ITIH5: variants seen among roughly 807,000 people sequenced by gnomAD.
The protein encoded by ITIH5 is inter-alpha-trypsin inhibitor heavy chain H5.
ITIH5 carries 65 observed loss-of-function variants against 77.5 expected under a neutral mutation model. That is an observed-to-expected ratio of 0.84 (90% CI 0.69 to 1.03). The LOEUF (loss-of-function observed/expected upper bound fraction) is 1.03, where lower values mean the gene tolerates loss of function less well. Ranked by LOEUF, ITIH5 falls within the 50% of genes least tolerant of loss-of-function variation. ITIH5 has a pLI of 0.00. For missense variants in ITIH5, 1,208 were observed against 1,213.1 expected (o/e 1.00, Z 0.06); for synonymous variants, 525 against 494.3 (o/e 1.06, Z -0.82).
chr10:7,600,392 T>C (rs1832990932), intron 7 of ITIH5: 2 of 378,374 alleles, frequency 5.3e-6, no homozygotes, highest in South Asian at 2.0e-5. Flanking sequence ...GTCTAGCACA[T>C]TCTCAAAGTG....
chr10:7,610,387 T>C (rs1833220598), intron 7 of ITIH5, among the ~76,000 whole-genome samples: 2 of 152,184 alleles, frequency 1.3e-5, no homozygotes, highest in South Asian at 4.1e-4. Context: ...ACCGAGAATA[T>C]TTTTTTAAGG....
At position 7,608,565 on chromosome 10, in the gene ITIH5, G is replaced by A. The variant is rs1172612913; in HGVS notation, c.939+7417C>T. Among the ~76,000 whole-genome samples the A allele has an allele frequency of 6.6e-5, 10 of 152,210 alleles. No homozygotes were observed. In the East Asian group the frequency reaches 1.3e-3, roughly 20 times the overall value. ...CTCAAAGTGCTGGGATTACAGGCAT[G>A]AGCCACCATACCTGGCCTGGATCCT... On this transcript the variant is annotated intron_variant, in intron 7 of 13. Transcript: ENST00000397146.
At chr10:7,568,366 T>C (rs1832229338) in intron 12 of ITIH5, among the ~76,000 whole-genome samples, 1 of 152,152 alleles carries the variant, frequency 6.6e-6, no homozygotes, top group Non-Finnish European at 1.5e-5. Context: ...GAGCCTATGC[T>C]CTTCCAGCCT....
chr10:7,616,034 A>C lies in ITIH5; in HGVS notation c.887T>G (p.Val296Gly), dbSNP rs1423574201. The C allele has an allele frequency of 6.2e-7, 1 of 1,613,746 alleles. No homozygotes were observed. Among genetic ancestry groups the C allele is most frequent in the Non-Finnish European group, 8.5e-7 (1 of 1,179,668 alleles). ...AGCACTGCTGTCAAGCACGAATACC[A>C]CATTCTTGGGTAAAGGAGGAAGGTC... ...PKDLPPLPKNVVFVLDSSASM... is the reference protein window; with the variant it reads ...PKDLPPLPKNGVFVLDSSASM... The change falls in exon 7 of 14, where the codon GTG becomes GGG. Residue 296 changes from valine (V) to glycine (G), a missense_variant. Val to Gly is a moderately radical substitution (Grantham distance 109). Coordinates refer to ENST00000397146, the MANE Select transcript of ITIH5 (RefSeq NM_030569.7).
At chr10:7,655,756 A>G (rs1479575701) in intron 1 of ITIH5, 81 bp from the exon 2 acceptor site, 2 of 1,084,786 alleles carry the variant, frequency 1.8e-6, no homozygotes, top group Non-Finnish European at 2.8e-6. Flanking sequence ...TCATTCTCAC[A>G]TGAGTTATAC....
At chr10:7,634,087 T>TGAAA (rs1833758445) in intron 5 of ITIH5, among the ~76,000 whole-genome samples, 1 of 34,332 alleles carries the variant, frequency 2.9e-5, no homozygotes, top group African/African-American at 1.2e-4. Flanking sequence ...AGACTCCGTC[T>TGAAA]CAAAAAAAAA....
At position 7,637,216 on chromosome 10, in the gene ITIH5, C is replaced by T. The variant is rs773154542; in HGVS notation, c.652+12G>A. On this transcript the variant is annotated intron_variant, in intron 5 of 13. Coordinates refer to ENST00000397146, the MANE Select transcript of ITIH5 (RefSeq NM_030569.7). Reference sequence around the variant, plus strand: ...ACCACAGATCTGCACGAACCCAGCACGCAGGACTCACCTTCCCCGCGCCCA... The same window carrying T: ...ACCACAGATCTGCACGAACCCAGCATGCAGGACTCACCTTCCCCGCGCCCA... 6 of 1,602,992 alleles carry T rather than the reference C, an allele frequency of 3.7e-6. No homozygotes were observed. Among genetic ancestry groups the T allele is most frequent in the East Asian group, 2.2e-5 (1 of 44,842 alleles).
chr10:7,644,320 T>C (rs753937374), intron 2 of ITIH5, among the ~76,000 whole-genome samples: 22 of 148,290 alleles, frequency 1.5e-4, no homozygotes, highest in South Asian at 6.3e-4. Context: ...ATATATATCA[T>C]ACATATCACA....
chr10:7,641,306 C>T (rs1833880945), intron 3 of ITIH5, among the ~76,000 whole-genome samples: 1 of 152,144 alleles, frequency 6.6e-6, no homozygotes, highest in Admixed American at 6.5e-5. Flanking sequence ...CTCCTGAAAG[C>T]TCTTCCCAGA....
At chr10:7,639,317 C>T (rs747916251) in intron 4 of ITIH5, among the ~76,000 whole-genome samples, 2 of 152,166 alleles carry the variant, frequency 1.3e-5, no homozygotes, top group Non-Finnish European at 2.9e-5. Flanking sequence ...CCATCATTTC[C>T]GCCTGGACTG....
In ITIH5 at chr10:7,559,915, G is replaced by A. The variant is rs1832010224; in HGVS notation, c.*3168C>T. On this transcript the variant is annotated 3_prime_UTR_variant, in exon 14 of 14. Transcript: ENST00000397146. ...CACTCCAGCTGGAGTGCAGTGGCGT[G>A]ATCTTGGCTCACTACAAGTTCCGAC... 1 of 446,990 alleles carries A rather than the reference G, an allele frequency of 2.2e-6. No individual in the cohort carries two copies. Among genetic ancestry groups the A allele is most frequent in the African/African-American group, 2.0e-5 (1 of 48,950 alleles). 27.7% of individuals were successfully genotyped at this position (446,990 alleles called of 1,614,324 possible).
At chr10:7,564,803 G>A (rs939926219) in intron 13 of ITIH5, among the ~76,000 whole-genome samples, 50 of 151,008 alleles carry the variant, frequency 3.3e-4, no homozygotes, top group African/African-American at 1.1e-3. Flanking sequence ...TACAGACTGT[G>A]TGTATATATA....
chr10:7,611,127 G>C lies in ITIH5; in HGVS notation c.939+4855C>G, dbSNP rs187270775. ...GCCGCAACCACACTCTTACTTGCAC[G>C]GTACATGGCTTAGTTCTCAGACTTC... On this transcript the variant is annotated intron_variant, in intron 7 of 13. Coordinates refer to ENST00000397146, the MANE Select transcript of ITIH5 (RefSeq NM_030569.7). Among the ~76,000 whole-genome samples the C allele has an allele frequency of 1.5e-3, 223 of 152,324 alleles. 1 individual carries two copies. The highest frequency in any genetic ancestry group is 5.2e-3 in the African/African-American group (218 of 41,560).
At position 7,655,521 on chromosome 10, in the gene ITIH5, C is replaced by T. The variant is rs1345133847; in HGVS notation, c.135+110G>A. On this transcript the variant is annotated intron_variant, in intron 2 of 13. Coordinates refer to ENST00000397146, the MANE Select transcript of ITIH5 (RefSeq NM_030569.7). The stretch of plus-strand genomic sequence containing the variant: ...GCTGTTTCATCTCAGAATTTTTCTA[C>T]AAGCAACTTTATATGTTTTGGAGGA... 2.3e-5 allele frequency: 19 copies of T among 831,654 alleles called. No individual in the cohort carries two copies. In the South Asian group the frequency reaches 2.5e-4, roughly 11 times the overall value. 51.5% of individuals were successfully genotyped at this position (831,654 alleles called of 1,614,324 possible).
chr10:7,653,985 T>C (rs1834141479), intron 2 of ITIH5, among the ~76,000 whole-genome samples: 2 of 152,154 alleles, frequency 1.3e-5, no homozygotes, highest in South Asian at 4.1e-4. Flanking sequence ...TGAAACCCCA[T>C]CTCTACTAAA....
chr10:7,633,953 G>A (rs1208522959), intron 5 of ITIH5, among the ~76,000 whole-genome samples: 1 of 152,026 alleles, frequency 6.6e-6, no homozygotes, highest in Non-Finnish European at 1.5e-5. Context: ...GCCAGGCGTG[G>A]TGGTGGGCGC....
At chr10:7,612,343 G>A (rs920076569) in intron 7 of ITIH5, among the ~76,000 whole-genome samples, 3 of 152,098 alleles carry the variant, frequency 2.0e-5, no homozygotes, top group Non-Finnish European at 2.9e-5. Flanking sequence ...ACTTCCATTA[G>A]CCATACTTCA....
chr10:7,607,584 C>T (rs1431458658), intron 7 of ITIH5, among the ~76,000 whole-genome samples: 1 of 152,202 alleles, frequency 6.6e-6, no homozygotes. Flanking sequence ...GAGGCTGAGG[C>T]AGGTGGATCA....
intron 2 of ITIH5, among the ~76,000 whole-genome samples, chr10:7,651,030 T>C: frequency 8.5e-6 from 1 of 118,026 alleles, no homozygotes; most frequent in Non-Finnish European, 1.6e-5. Context: ...ATGGTCAGAG[T>C]TGGGCACAGG....
Sources: allele counts gnomAD v4.1 joint callset (sites outside exome capture counted in the v4.1 genomes callset), GRCh38; gene constraint gnomAD v4.1.1; transcripts MANE v1.5; gene names NCBI Gene and HGNC (gene_info 2026-07-23, HGNC 2026-07-21).